GALNT9: variants seen among roughly 807,000 people sequenced by gnomAD.
GALNT9 encodes the protein polypeptide N-acetylgalactosaminyltransferase 9.
GALNT9 carries 47 observed loss-of-function variants against 63.1 expected under a neutral mutation model. The observed-to-expected ratio is 0.75, with a 90% confidence interval of 0.59 to 0.95. GALNT9 has a LOEUF of 0.95. GALNT9 is among the 40% of genes least tolerant of loss of function. The pLI, the probability that GALNT9 is intolerant of heterozygous loss-of-function variation, is 0.00. For missense variants in GALNT9, 829 were observed against 874.8 expected (o/e 0.95, Z 0.66); for synonymous variants, 396 against 365.7 (o/e 1.08, Z -0.94).
chr12:132,300,359 T>C (rs1253628682), intron 1 of GALNT9, among the ~76,000 whole-genome samples: 13 of 100,508 alleles, frequency 1.3e-4, no homozygotes, highest in African/African-American at 2.4e-4. Flanking sequence ...ATCTAACCCA[T>C]CCCTGAGATG....
intron 6 of GALNT9, among the ~76,000 whole-genome samples, chr12:132,240,294 T>G (rs1555236785): frequency 6.6e-6 from 1 of 152,046 alleles, no homozygotes; most frequent in East Asian, 1.9e-4. Flanking sequence ...ACCGTGCCCC[T>G]CCCTGTAGCC....
intron 4 of GALNT9, among the ~76,000 whole-genome samples, 183 bp downstream of exon 4, chr12:132,260,765 C>T (rs575575624): frequency 5.3e-5 from 8 of 152,354 alleles, no homozygotes; most frequent in South Asian, 4.1e-4. Flanking sequence ...ACAGAGAGGC[C>T]GCAGAGGTAA....
chr12:132,216,859 G>C (rs937414301), intron 6 of GALNT9, among the ~76,000 whole-genome samples: 1 of 152,252 alleles, frequency 6.6e-6, no homozygotes, highest in African/African-American at 2.4e-5. Flanking sequence ...CTTGTGGGCA[G>C]TCTGCCCTTG....
At position 132,329,359 on chromosome 12, in the gene GALNT9, G is replaced by C; in HGVS notation, c.-156C>G. The C allele has an allele frequency of 8.6e-7, 1 of 1,162,068 alleles. No homozygotes were observed. The allele number at this position is 1,162,068 out of a possible 1,614,324, so 72.0% of individuals were successfully genotyped here. On this transcript the variant is annotated 5_prime_UTR_variant, in exon 1 of 11. Coordinates refer to ENST00000328957, the MANE Select transcript of GALNT9 (RefSeq NM_001122636.2). ...TGTCCCTTCAGCACCAGCTCAGCGC[G>C]CCGGGCCACGGCCGCCGGGGGTCCC...
At position 132,203,495 on chromosome 12, in the gene GALNT9, G is replaced by A. The variant is rs1281604761; in HGVS notation, c.1263+10C>T. 1.2e-6 allele frequency: 2 copies of A among 1,613,198 alleles called. No homozygotes were observed. The highest frequency in any genetic ancestry group is 2.2e-5 in the South Asian group (2 of 91,040). ...GCATGGCCCCGGCTCCCGGCCTGTG[G>A]GGGACTCACCGACATGGGGATGTTC... On this transcript the variant is annotated intron_variant, in intron 7 of 10. Coordinates refer to ENST00000328957, the MANE Select transcript of GALNT9 (RefSeq NM_001122636.2).
chr12:132,296,058 AG>A lies in GALNT9; in HGVS notation c.239-9629del, dbSNP rs1881062271. 6.8e-6 allele frequency among the ~76,000 whole-genome samples: 1 copy of A among 146,594 alleles called. No individual in the cohort carries two copies. The highest frequency in any genetic ancestry group is 2.6e-5 in the African/African-American group (1 of 38,574). The stretch of plus-strand genomic sequence containing the variant: ...TCCAGAACAGGGAGAGCCTCTGAAC[AG>A]GGAGAGGCTCCGGAACAGGGAGAGC... On this transcript the variant is annotated intron_variant, in intron 1 of 10. Coordinates refer to ENST00000328957, the MANE Select transcript of GALNT9 (RefSeq NM_001122636.2). The surrounding 1 kb of genome is among the most constrained non-coding windows in gnomAD (Gnocchi z 4.2).
At chr12:132,215,527 A>G (rs10736918) in intron 6 of GALNT9, among the ~76,000 whole-genome samples, 131,467 of 152,276 alleles carry the variant, frequency 0.86, 57,037 homozygotes, top group East Asian at 1. Context: ...CTGCCATGCC[A>G]GGGCTTGGCG....
chr12:132,203,168 G>A (rs1336473048), intron 7 of GALNT9, among the ~76,000 whole-genome samples: 1 of 152,180 alleles, frequency 6.6e-6, no homozygotes, highest in South Asian at 2.1e-4. Flanking sequence ...GGCACTAAGT[G>A]GGGCCCTGGC....
chr12:132,305,183 G>C (rs199915674), intron 1 of GALNT9, among the ~76,000 whole-genome samples: 20 of 7,142 alleles, frequency 2.8e-3, no homozygotes, highest in Admixed American at 3.7e-3. Flanking sequence ...CCGGGCACAC[G>C]CTCACCCAGA....
chr12:132,260,007 C>G (rs1175126772), intron 4 of GALNT9, among the ~76,000 whole-genome samples: 1 of 74,498 alleles, frequency 1.3e-5, no homozygotes, highest in Non-Finnish European at 4.6e-5. Flanking sequence ...GGGGAACACA[C>G]CCTGAGCATT....
chr12:132,196,861 G>A lies in GALNT9; in HGVS notation c.*246C>T. On this transcript the variant is annotated 3_prime_UTR_variant, in exon 11 of 11. Coordinates refer to ENST00000328957, the MANE Select transcript of GALNT9 (RefSeq NM_001122636.2). ...TACCGTGGAGAAGGCACGTGTTTGA[G>A]TTGGCATCACTGTCCCCAGACGCCC... 1 of 1,337,040 alleles carries A rather than the reference G, an allele frequency of 7.5e-7. No individual in the cohort carries two copies. The highest frequency in any genetic ancestry group is 9.6e-7 in the Non-Finnish European group (1 of 1,042,020). 82.8% of individuals were successfully genotyped at this position (1,337,040 alleles called of 1,614,324 possible).
chr12:132,282,062 GC>G lies in GALNT9; in HGVS notation c.419+4187del, dbSNP rs559111400. Among the ~76,000 whole-genome samples the G allele has an allele frequency of 2.4e-3, 345 of 143,752 alleles. 5 individuals are homozygous for G. The highest frequency in any genetic ancestry group is 8.9e-3 in the African/African-American group (321 of 36,040). The allele number at this position is 143,752 out of a possible 152,430, so 94.3% of individuals were successfully genotyped here. On this transcript the variant is annotated intron_variant, in intron 2 of 10. Coordinates refer to ENST00000328957, the MANE Select transcript of GALNT9 (RefSeq NM_001122636.2). This position sits in a 1 kb window ranked among gnomAD's most constrained non-coding sequence, Gnocchi z 4.5. ...GGAGGAATCAGCTCCACTGCAGCAA[GC>G]CCAGGCCTGGGGGTCCCTGATCCCA...
Position 132,304,374 on chromosome 12 carries a change from C to T in GALNT9, c.239-17944G>A, listed in dbSNP as rs369045137. Among the ~76,000 whole-genome samples, 75 of 110,502 alleles carry T rather than the reference C, an allele frequency of 6.8e-4. 1 individual carries two copies. The highest frequency in any genetic ancestry group is 3.3e-3 in the Admixed American group (37 of 11,170). 72.5% of individuals were successfully genotyped at this position (110,502 alleles called of 152,430 possible). A position where few individuals can be genotyped will look rare whatever the true frequency, so the allele number is the denominator to read the frequency against. ...ACCCTCACCCGGGCACAGCCTCACC[C>T]GGGCACACCCTCACCGGGGCACACC... On this transcript the variant is annotated intron_variant, in intron 1 of 10. Transcript: ENST00000328957.
chr12:132,240,805 A>G, intron 6 of GALNT9: 6 of 430,358 alleles, frequency 1.4e-5, no homozygotes, highest in Admixed American at 9.9e-5. Flanking sequence ...CACACATGCC[A>G]CACACCCTTC....
At chr12:132,240,998 G>T (rs1453244272) in intron 6 of GALNT9, among the ~76,000 whole-genome samples, 1 of 66,532 alleles carries the variant, frequency 1.5e-5, no homozygotes, top group African/African-American at 5.5e-5. Flanking sequence ...CCCCCTTCCC[G>T]GGGCCCTCCC....
chr12:132,329,285 G>A lies in GALNT9; in HGVS notation c.-82C>T, dbSNP rs1869193719. The A allele has an allele frequency of 6.8e-7, 1 of 1,481,044 alleles. No individual in the cohort carries two copies. Among genetic ancestry groups the A allele is most frequent in the Admixed American group, 2.1e-5 (1 of 47,080 alleles). 91.7% of individuals were successfully genotyped at this position (1,481,044 alleles called of 1,614,324 possible). A position where few individuals can be genotyped will look rare whatever the true frequency, so the allele number is the denominator to read the frequency against. On this transcript the variant is annotated 5_prime_UTR_variant, in exon 1 of 11. Coordinates refer to ENST00000328957, the MANE Select transcript of GALNT9 (RefSeq NM_001122636.2). ...GCCTGGGCTTCAGCTTCGGCTTCGG[G>A]GACCATGAGCCGCCCGGGGCTGCGG...
intron 6 of GALNT9, among the ~76,000 whole-genome samples, chr12:132,215,861 G>C (rs1014253909): frequency 1.3e-5 from 2 of 152,100 alleles, no homozygotes; most frequent in African/African-American, 2.4e-5. Context: ...GCAGGGGATG[G>C]AGAGGGGGTG....
intron 2 of GALNT9, among the ~76,000 whole-genome samples, chr12:132,268,384 AC>A (rs1268811188): frequency 3.3e-5 from 5 of 152,212 alleles, no homozygotes; most frequent in Admixed American, 2.0e-4. Flanking sequence ...TCCACCACAT[AC>A]AAAAATTAAC....
intron 9 of GALNT9, among the ~76,000 whole-genome samples, chr12:132,198,313 G>A (rs1235764066): frequency 6.6e-6 from 1 of 152,232 alleles, no homozygotes; most frequent in African/African-American, 2.4e-5. Flanking sequence ...GCAGTGCCGT[G>A]TGTGAGCGGA....
Sources: allele counts gnomAD v4.1 joint callset (sites outside exome capture counted in the v4.1 genomes callset), GRCh38; gene constraint gnomAD v4.1.1; non-coding constraint Gnocchi (gnomAD v3.1); transcripts MANE v1.5; gene names NCBI Gene and HGNC (gene_info 2026-07-23, HGNC 2026-07-21).